The following ANO10 variants were observed in gnomAD, a reference collection of about 807,000 sequenced individuals.
ANO10 encodes anoctamin 10, also known as anoctamin-10.
Under a neutral mutation model 74.7 loss-of-function variants are expected in ANO10, and 77 were observed. The observed-to-expected ratio is 1.03, with a 90% CI of 0.86 to 1.25. The LOEUF (loss-of-function observed/expected upper bound fraction) is 1.25, where lower values mean the gene tolerates loss of function less well. Ranked by LOEUF, ANO10 falls within the 50% of genes most tolerant of loss-of-function variation. The pLI, the probability that ANO10 is intolerant of heterozygous loss-of-function variation, is 0.00. For missense variants in ANO10, 721 were observed against 778.1 expected (o/e 0.93, Z 0.87); for synonymous variants, 279 against 284.9 (o/e 0.98, Z 0.21).
upstream of ANO10, among the ~76,000 whole-genome samples, chr3:43,623,251 G>A (rs1194856526): frequency 6.6e-6 from 1 of 152,160 alleles, no homozygotes; most frequent in African/African-American, 2.4e-5. Context: ...GAGAGAGAGA[G>A]AGAGACCATA....
At chr3:43,372,926 T>C in intron 12 of ANO10, 3 of 1,367,904 alleles carry the variant, frequency 2.2e-6, no homozygotes, top group East Asian at 2.5e-5. Flanking sequence ...GCCTCTTTTT[T>C]TCATGCGTAT....
chr3:43,385,526 C>T lies in ANO10; in HGVS notation c.1915-18552G>A, dbSNP rs111543629. ...ACCAGCCCAAATGCCCATCAACCAA[C>T]GAGTGGATAAAGAAAATGTGGTGTA... On this transcript the variant is annotated intron_variant, in intron 12 of 12. Transcript: ENST00000292246. 7.8e-3 allele frequency among the ~76,000 whole-genome samples: 1,193 copies of T among 152,174 alleles called. 13 individuals carry two copies. The highest frequency in any genetic ancestry group is 0.041 in the Middle Eastern group (12 of 294).
At chr3:43,615,014 C>T (rs1405420056) in intron 1 of ANO10, among the ~76,000 whole-genome samples, 1 of 150,934 alleles carries the variant, frequency 6.6e-6, no homozygotes, top group Non-Finnish European at 1.5e-5. Flanking sequence ...TATTTATTAA[C>T]ATGGAGAGAT....
At chr3:43,525,583 T>C (rs1017524801) in intron 11 of ANO10, among the ~76,000 whole-genome samples, 4 of 152,146 alleles carry the variant, frequency 2.6e-5, no homozygotes, top group Non-Finnish European at 5.9e-5. Flanking sequence ...GCCAGTGAAC[T>C]TCCCTTCTCA....
chr3:43,549,967 G>T, intron 10 of ANO10, 119 bp from the exon 11 acceptor site: 3 of 1,195,426 alleles, frequency 2.5e-6, no homozygotes, highest in Non-Finnish European at 1.2e-6. Flanking sequence ...AACATTCCAA[G>T]TACATTTTAA....
At chr3:43,455,557 T>C (rs545531938) in intron 11 of ANO10, among the ~76,000 whole-genome samples, 1 of 152,246 alleles carries the variant, frequency 6.6e-6, no homozygotes, top group East Asian at 1.9e-4. Context: ...CTAGGTACTG[T>C]AAATCAACTA....
At chr3:43,525,512 A>G (rs1196854225) in intron 11 of ANO10, among the ~76,000 whole-genome samples, 4 of 152,194 alleles carry the variant, frequency 2.6e-5, no homozygotes, top group Non-Finnish European at 5.9e-5. Context: ...ACAAGGTGTG[A>G]GCACCCAAGT....
chr3:43,642,588 T>C lies in ANO10; in HGVS notation c.-11-36725A>G, dbSNP rs533707006. ...TTGAATTTTTTAAATATATAAAACA[T>C]TTATGTGGTCCCAAAGTTAAAAAAT... On this transcript the variant is annotated intron_variant, in intron 1 of 3. Coordinates refer to the ANO10 transcript ENST00000413397. 4.4e-3 allele frequency among the ~76,000 whole-genome samples: 665 copies of C among 152,286 alleles called. 8 individuals are homozygous for C. Among genetic ancestry groups the C allele is most frequent in the Middle Eastern group, 0.024 (7 of 294 alleles).
chr3:43,439,824 G>A (rs2093132582), intron 11 of ANO10, among the ~76,000 whole-genome samples: 1 of 152,166 alleles, frequency 6.6e-6, no homozygotes, highest in African/African-American at 2.4e-5. Context: ...TGTGGTTGCA[G>A]TGACCTGTGA....
intron 11 of ANO10, among the ~76,000 whole-genome samples, chr3:43,442,337 A>G (rs767111519): frequency 2.6e-5 from 4 of 152,142 alleles, no homozygotes; most frequent in Non-Finnish European, 4.4e-5. Flanking sequence ...GCAGAATTGT[A>G]GAATACAAAA....
At chr3:43,469,792 A>G (rs1054179126) in intron 11 of ANO10, among the ~76,000 whole-genome samples, 6 of 152,212 alleles carry the variant, frequency 3.9e-5, no homozygotes, top group South Asian at 2.1e-4. Context: ...ATGTCTGTAT[A>G]TATATTAATT....
intron 12 of ANO10, among the ~76,000 whole-genome samples, chr3:43,369,465 T>C (rs1261709709): frequency 6.6e-6 from 1 of 152,250 alleles, no homozygotes; most frequent in East Asian, 1.9e-4. Context: ...TTCCTTCACC[T>C]GTCCTGGAGC....
intron 12 of ANO10, among the ~76,000 whole-genome samples, chr3:43,376,664 AAG>A (rs1475573643): frequency 3.9e-5 from 6 of 152,214 alleles, no homozygotes; most frequent in Non-Finnish European, 8.8e-5. Flanking sequence ...AATTCTGAGA[AAG>A]GGGGAAATTT....
chr3:43,441,802 G>A (rs769155818), intron 11 of ANO10, among the ~76,000 whole-genome samples: 3 of 151,644 alleles, frequency 2.0e-5, no homozygotes, highest in Non-Finnish European at 2.9e-5. Context: ...AAAAAATTAC[G>A]CAGCATGACC....
intron 11 of ANO10, among the ~76,000 whole-genome samples, chr3:43,434,859 A>C (rs1043902926): frequency 6.6e-6 from 1 of 152,208 alleles, no homozygotes; most frequent in Non-Finnish European, 1.5e-5. Flanking sequence ...TTGATTAGAC[A>C]ATATTAATCA....
chr3:43,614,099 G>A (rs1364856263), intron 1 of ANO10, among the ~76,000 whole-genome samples: 1 of 152,148 alleles, frequency 6.6e-6, no homozygotes, highest in Non-Finnish European at 1.5e-5. Flanking sequence ...TAGTTTAAGG[G>A]AACAATAAAG....
chr3:43,524,479 G>A (rs1438023692), intron 11 of ANO10, among the ~76,000 whole-genome samples: 1 of 152,056 alleles, frequency 6.6e-6, no homozygotes, highest in Non-Finnish European at 1.5e-5. Context: ...ATCTGGCCTG[G>A]CCCTAGAGAC....
chr3:43,388,873 T>C (rs530094430), intron 12 of ANO10, among the ~76,000 whole-genome samples: 1 of 152,236 alleles, frequency 6.6e-6, no homozygotes, highest in Non-Finnish European at 1.5e-5. Context: ...TCCCAAATAC[T>C]ATCTTCATGC....
At chr3:43,460,626 T>C in intron 11 of ANO10, among the ~76,000 whole-genome samples, 1 of 152,186 alleles carries the variant, frequency 6.6e-6, no homozygotes, top group East Asian at 1.9e-4. Flanking sequence ...TACTGGCTAA[T>C]TCTCAATATG....
Sources: gnomAD v4.1 joint callset for allele counts (sites outside exome capture counted in the v4.1 genomes callset) on GRCh38, gnomAD v4.1.1 for gene constraint, MANE v1.5 for transcripts, NCBI Gene and HGNC (gene_info 2026-07-23, HGNC 2026-07-21) for gene names.